The following USH2A variants were observed in gnomAD, a reference collection of about 807,000 sequenced individuals.
The protein encoded by USH2A is usherin.
Under a neutral mutation model 538.9 loss-of-function variants are expected in USH2A, and 443 were observed. The observed-to-expected ratio is 0.82, with a 90% CI of 0.76 to 0.89. The LOEUF (loss-of-function observed/expected upper bound fraction) is 0.89. Ranked by LOEUF, USH2A falls within the 40% of genes least tolerant of loss-of-function variation. USH2A has a pLI of 0.00. For missense variants in USH2A, 6,633 were observed against 6,324.8 expected (o/e 1.05, Z -1.65); for synonymous variants, 2,413 against 2,273.5 (o/e 1.06, Z -1.75).
chr1:215,630,196 T>G, intron 70 of USH2A: 1 of 482,524 alleles, frequency 2.1e-6, no homozygotes, highest in Non-Finnish European at 4.2e-6. Flanking sequence ...TACCTCAAAG[T>G]GCATGGTGTA....
At chr1:216,322,141 T>G (rs1279052149) in intron 8 of USH2A, among the ~76,000 whole-genome samples, 165 bp from the exon 9 acceptor site, 2 of 152,118 alleles carry the variant, frequency 1.3e-5, no homozygotes, top group Non-Finnish European at 2.9e-5. Flanking sequence ...TCCATACACG[T>G]TTTTAATTTA....
chr1:215,687,830 C>T (rs1000115289), intron 61 of USH2A, among the ~76,000 whole-genome samples: 1 of 152,098 alleles, frequency 6.6e-6, no homozygotes, highest in African/African-American at 2.4e-5. Context: ...TGATTAAACA[C>T]ACATGTATTG....
At chr1:215,765,997 A>G (rs1423898819) in intron 56 of USH2A, among the ~76,000 whole-genome samples, 3 of 152,212 alleles carry the variant, frequency 2.0e-5, no homozygotes, top group Admixed American at 2.0e-4. Context: ...AAATGATGAA[A>G]ATAGAACAGC....
intron 3 of USH2A, among the ~76,000 whole-genome samples, chr1:216,367,626 T>C (rs1020160091): frequency 1.3e-5 from 2 of 152,160 alleles, no homozygotes; most frequent in African/African-American, 4.8e-5. Context: ...TTATAGGTAC[T>C]TAAATAATGA....
At chr1:215,966,245 A>G (rs955611973) in intron 36 of USH2A, among the ~76,000 whole-genome samples, 3 of 152,128 alleles carry the variant, frequency 2.0e-5, no homozygotes, top group Non-Finnish European at 2.9e-5. Context: ...AAATAAGTAA[A>G]ATAAGTGGTC....
intron 58 of USH2A, among the ~76,000 whole-genome samples, chr1:215,743,645 G>A (rs1660380370): frequency 6.6e-6 from 1 of 151,020 alleles, no homozygotes; most frequent in African/African-American, 2.4e-5. Context: ...TGGCCAACAT[G>A]GTGAAACCCT....
At chr1:215,976,069 G>C (rs1317302739) in intron 35 of USH2A, among the ~76,000 whole-genome samples, 1 of 152,054 alleles carries the variant, frequency 6.6e-6, no homozygotes, top group Non-Finnish European at 1.5e-5. Context: ...TTACTGTTTT[G>C]TGGCTATTGT....
intron 9 of USH2A, among the ~76,000 whole-genome samples, chr1:216,295,812 G>A (rs1417277131): frequency 6.6e-6 from 1 of 151,872 alleles, no homozygotes; most frequent in African/African-American, 2.4e-5. Context: ...TATTAACATT[G>A]TTAAAAACTA....
At chr1:215,934,243 G>A (rs1160588263) in intron 38 of USH2A, among the ~76,000 whole-genome samples, 1 of 151,984 alleles carries the variant, frequency 6.6e-6, no homozygotes, top group Admixed American at 6.6e-5. Flanking sequence ...ATTTGCAGTA[G>A]AAAATGGAAG....
chr1:216,363,600 C>T (rs1365078091), intron 4 of USH2A, among the ~76,000 whole-genome samples: 3 of 151,768 alleles, frequency 2.0e-5, no homozygotes, highest in Non-Finnish European at 4.4e-5. Flanking sequence ...TAGATATAGA[C>T]ACAGATATAT....
chr1:216,337,651 G>A (rs1387197631), intron 4 of USH2A, among the ~76,000 whole-genome samples: 1 of 151,154 alleles, frequency 6.6e-6, no homozygotes. Flanking sequence ...TTTTTTCCAA[G>A]ATTGTTAAAG....
At chr1:215,751,498 A>G (rs1660620578) in intron 58 of USH2A, among the ~76,000 whole-genome samples, 1 of 152,136 alleles carries the variant, frequency 6.6e-6, no homozygotes, top group South Asian at 2.1e-4. Context: ...GATAAATTAG[A>G]AAGACTCATT....
chr1:216,279,073 T>C (rs1260829086), intron 11 of USH2A, among the ~76,000 whole-genome samples: 1 of 152,184 alleles, frequency 6.6e-6, no homozygotes, highest in African/African-American at 2.4e-5. Context: ...TCCTTTCTTA[T>C]TAATCTATTT....
At chr1:216,300,876 G>C (rs2037202443) in intron 9 of USH2A, among the ~76,000 whole-genome samples, 1 of 151,362 alleles carries the variant, frequency 6.6e-6, no homozygotes, top group Middle Eastern at 3.2e-3. Flanking sequence ...AGCCTCCCGA[G>C]TATCTGGTAC....
chr1:215,866,856 A>G (rs1350367143), intron 44 of USH2A, 151 bp downstream of exon 44: 40 of 1,092,280 alleles, frequency 3.7e-5, no homozygotes, highest in Middle Eastern at 2.2e-4. Flanking sequence ...AAAGTTTTCA[A>G]TGACAGCCCT....
chr1:216,207,151 G>T, intron 16 of USH2A, 122 bp downstream of exon 16: 2 of 1,217,302 alleles, frequency 1.6e-6, no homozygotes, highest in Non-Finnish European at 2.4e-6. Flanking sequence ...TTTTATCTCT[G>T]TTTGAAACAC....
chr1:216,063,355 C>G (rs1401611596), intron 30 of USH2A, among the ~76,000 whole-genome samples: 1 of 152,196 alleles, frequency 6.6e-6, no homozygotes, highest in Non-Finnish European at 1.5e-5. Flanking sequence ...ATTATCCAAG[C>G]TGGCTTTGGT....
intron 56 of USH2A, among the ~76,000 whole-genome samples, chr1:215,760,736 T>C (rs2102743138): frequency 6.6e-6 from 1 of 152,270 alleles, no homozygotes; most frequent in Admixed American, 6.5e-5. Context: ...CCAAATGTAA[T>C]CTAACATAAA....
Position 216,423,361 on chromosome 1 carries a change from T to A in USH2A, c.-352A>T, listed in dbSNP as rs1558082940. The A allele has an allele frequency of 6.6e-6, 1 of 152,152 alleles. No homozygotes were observed. Among genetic ancestry groups the A allele is most frequent in the East Asian group, 1.9e-4 (1 of 5,158 alleles). 9.4% of individuals were successfully genotyped at this position (152,152 alleles called of 1,614,324 possible). On this transcript the variant is annotated 5_prime_UTR_variant, in exon 1 of 72. In the 5' UTR this introduces an upstream ATG that the reference lacks. Transcript: ENST00000307340. ...GCAGCAGGAATGCTGGAAGGAAGAC[T>A]TGGGTGCCCAGGTAAAGTATTCTGC...
Sources: gnomAD v4.1 joint callset for allele counts (sites outside exome capture counted in the v4.1 genomes callset) on GRCh38, gnomAD v4.1.1 for gene constraint, MANE v1.5 for transcripts, NCBI Gene and HGNC (gene_info 2026-07-23, HGNC 2026-07-21) for gene names.